KITLG: variants seen among roughly 807,000 people sequenced by gnomAD.
KITLG encodes the protein KIT ligand.
KITLG carries 13 observed loss-of-function variants against 34.1 expected under a neutral mutation model. The ratio of observed to expected loss-of-function variants is 0.38; its 90% confidence interval spans 0.25 to 0.61. The LOEUF (loss-of-function observed/expected upper bound fraction) is 0.61. Among genes scored for constraint, KITLG ranks in the 20% least tolerant of loss-of-function variants. The pLI, the probability that KITLG is intolerant of heterozygous loss-of-function variation, is 0.60. For synonymous variants in KITLG, 110 were observed against 104.0 expected (o/e 1.06, Z -0.35); for missense variants, 292 against 318.9 (o/e 0.92, Z 0.64).
At chr12:88,558,207 C>T (rs1871165015) in intron 1 of KITLG, among the ~76,000 whole-genome samples, 2 of 151,952 alleles carry the variant, frequency 1.3e-5, no homozygotes, top group Admixed American at 1.3e-4. Flanking sequence ...TTCACATCTG[C>T]TACTGAAAAT....
chr12:88,508,702 T>A (rs1376979123), intron 6 of KITLG, among the ~76,000 whole-genome samples: 1 of 152,068 alleles, frequency 6.6e-6, no homozygotes, highest in Non-Finnish European at 1.5e-5. Flanking sequence ...GGATTCCTCC[T>A]CCTGGCCCAC....
chr12:88,538,944 G>A (rs1249339991), intron 2 of KITLG, among the ~76,000 whole-genome samples: 2 of 152,140 alleles, frequency 1.3e-5, no homozygotes, highest in Non-Finnish European at 2.9e-5. Context: ...TTCTTTGGAT[G>A]TCTTAATGAT....
At chr12:88,526,130 T>C (rs1869853441) in intron 3 of KITLG, among the ~76,000 whole-genome samples, 1 of 152,028 alleles carries the variant, frequency 6.6e-6, no homozygotes, top group Admixed American at 6.5e-5. Flanking sequence ...TAGGGAAGGA[T>C]TACAGAGAGT....
intron 1 of KITLG, among the ~76,000 whole-genome samples, chr12:88,550,349 G>C (rs1870853559): frequency 6.6e-6 from 1 of 152,128 alleles, no homozygotes; most frequent in Non-Finnish European, 1.5e-5. Flanking sequence ...CAGAAGAGAG[G>C]GGACTGCTTG....
intron 6 of KITLG, 64 bp from the exon 7 acceptor site, chr12:88,507,201 T>C: frequency 9.7e-7 from 1 of 1,033,118 alleles, no homozygotes. Context: ...GCTCTTATGC[T>C]GTGGTTGTTT....
rs547856529 is a variant in KITLG, at chr12:88,509,218, C to T, written c.605-2081G>A. On this transcript the variant is annotated intron_variant, in intron 6 of 9. Transcript: ENST00000644744. Reference sequence around the variant, plus strand: ...ATGCTATGGAGAACTCCATTATCTACGTTGGGTCAGCCAGATGCCCTGTAA... The same window carrying T: ...ATGCTATGGAGAACTCCATTATCTATGTTGGGTCAGCCAGATGCCCTGTAA... 5.3e-5 allele frequency among the ~76,000 whole-genome samples: 8 copies of T among 152,282 alleles called. No individual in the cohort carries two copies. The South Asian group carries it at 8.3e-4, about 16-fold the overall frequency.
At chr12:88,569,078 T>C (rs1034358360) in intron 1 of KITLG, among the ~76,000 whole-genome samples, 22 of 152,118 alleles carry the variant, frequency 1.4e-4, no homozygotes. Flanking sequence ...ACTTCACTCA[T>C]ATAGGGAAAA....
intron 1 of KITLG, among the ~76,000 whole-genome samples, chr12:88,571,687 C>T (rs1871655670): frequency 6.6e-6 from 1 of 152,160 alleles, no homozygotes; most frequent in African/African-American, 2.4e-5. Flanking sequence ...GAGCAGTTGG[C>T]AGGAGCCACT....
chr12:88,535,505 G>A (rs928704221), intron 2 of KITLG, among the ~76,000 whole-genome samples: 1 of 152,136 alleles, frequency 6.6e-6, no homozygotes, highest in Non-Finnish European at 1.5e-5. Context: ...AGGAGTAACT[G>A]GTGCAGGTAG....
chr12:88,564,642 T>C (rs1871388683), intron 1 of KITLG, among the ~76,000 whole-genome samples: 1 of 152,096 alleles, frequency 6.6e-6, no homozygotes, highest in South Asian at 2.1e-4. Flanking sequence ...AGGCAGAAGG[T>C]AGACTTTGTG....
chr12:88,563,886 C>T (rs889982218), intron 1 of KITLG, among the ~76,000 whole-genome samples: 1 of 151,776 alleles, frequency 6.6e-6, no homozygotes, highest in Non-Finnish European at 1.5e-5. Flanking sequence ...TGCTTGAACC[C>T]GGGAGGCAGA....
chr12:88,516,642 GATTGGTAATGC>G, intron 4 of KITLG, 152 bp from the exon 5 acceptor site: 1 of 561,620 alleles, frequency 1.8e-6, no homozygotes, highest in South Asian at 2.2e-5. Flanking sequence ...ATGTAATTCA[GATTGGTAATGC>G]AGGGTAGTGA....
At chr12:88,545,350 C>T (rs1337349226) in intron 2 of KITLG, among the ~76,000 whole-genome samples, 4 of 152,230 alleles carry the variant, frequency 2.6e-5, no homozygotes, top group Admixed American at 2.6e-4. Context: ...GATTTCCTTT[C>T]GTTAGACTTT....
intron 1 of KITLG, among the ~76,000 whole-genome samples, chr12:88,578,497 T>C (rs962871531): frequency 6.6e-6 from 1 of 152,232 alleles, no homozygotes; most frequent in African/African-American, 2.4e-5. Flanking sequence ...TCAGACTAGA[T>C]TGACCTCTTT....
chr12:88,537,201 A>G (rs1224420820), intron 2 of KITLG, among the ~76,000 whole-genome samples: 1 of 152,184 alleles, frequency 6.6e-6, no homozygotes, highest in Non-Finnish European at 1.5e-5. Flanking sequence ...ACTATTCGCA[A>G]TAGAAAGACA....
intron 2 of KITLG, among the ~76,000 whole-genome samples, chr12:88,544,807 T>C (rs1483448920): frequency 1.3e-5 from 2 of 152,214 alleles, no homozygotes; most frequent in Middle Eastern, 3.4e-3. Flanking sequence ...AAATAAGACA[T>C]ATACACCAGA....
intron 3 of KITLG, among the ~76,000 whole-genome samples, chr12:88,523,045 A>G (rs1224502063): frequency 6.6e-6 from 1 of 152,212 alleles, no homozygotes; most frequent in Non-Finnish European, 1.5e-5. Flanking sequence ...ATTAATCTAA[A>G]TACCAGCATT....
At chr12:88,541,435 G>A (rs1011596331) in intron 2 of KITLG, among the ~76,000 whole-genome samples, 23 of 152,230 alleles carry the variant, frequency 1.5e-4, no homozygotes, top group Middle Eastern at 6.8e-3. Context: ...ATCATATTGA[G>A]TTAAATTGCC....
At chr12:88,505,316 GC>G in intron 8 of KITLG, 81 bp from the exon 9 acceptor site, 1 of 1,134,098 alleles carries the variant, frequency 8.8e-7, no homozygotes, top group Non-Finnish European at 1.3e-6. Context: ...ATTGTAAAAG[GC>G]AGCTTTTCTG....
Sources: gnomAD v4.1 joint callset for allele counts (sites outside exome capture counted in the v4.1 genomes callset) on GRCh38, gnomAD v4.1.1 for gene constraint, MANE v1.5 for transcripts, NCBI Gene and HGNC (gene_info 2026-07-23, HGNC 2026-07-21) for gene names.